Variants in OR5A2 observed in about 807,000 individuals in gnomAD.
The protein encoded by OR5A2 is olfactory receptor 5A2.
For missense variants in OR5A2, 406 were observed against 398.9 expected, an observed-to-expected ratio of 1.02 and a Z score of -0.15; for synonymous variants, 155 against 151.1, an observed-to-expected ratio of 1.03 and a Z score of -0.19.
Position 59,419,199 on chromosome 11 carries a change from C to T in OR5A2, c.*2780G>A, listed in dbSNP as rs1487234861. On this transcript the variant is annotated 3_prime_UTR_variant, in exon 2 of 2. Coordinates refer to ENST00000302040, the MANE Select transcript of OR5A2 (RefSeq NM_001001954.2). ...TCATAGAGATAGTAATATGGGTGCA[C>T]CTGTTGGCTGAGACTGATATGTCTC... 1 of 152,098 alleles carries T rather than the reference C, an allele frequency of 6.6e-6. No homozygotes were observed. The highest frequency in any genetic ancestry group is 1.5e-5 in the Non-Finnish European group (1 of 68,012). 9.4% of individuals were successfully genotyped at this position (152,098 alleles called of 1,614,324 possible). A position where few individuals can be genotyped will look rare whatever the true frequency, so the allele number is the denominator to read the frequency against.
chr11:59,423,121 T>G, intron 1 of OR5A2, 77 bp from the exon 2 acceptor site: 1 of 675,460 alleles, frequency 1.5e-6, no homozygotes, highest in Non-Finnish European at 2.6e-6. Context: ...AGGCAAAGAC[T>G]TTTCAGAGGA....
At position 59,418,730 on chromosome 11, in the gene OR5A2, GACTT is replaced by G. The variant is rs920041251; in HGVS notation, c.*3245_*3248del. On this transcript the variant is annotated 3_prime_UTR_variant, in exon 2 of 2. Coordinates refer to ENST00000302040, the MANE Select transcript of OR5A2 (RefSeq NM_001001954.2). ...TAATGCATATTAATTCTATTAATAAGACTTACATTCTTCTTGGTAGTTGGGCAAA... is the reference window on the plus strand; with the variant it reads ...TAATGCATATTAATTCTATTAATAAGACATTCTTCTTGGTAGTTGGGCAAA... 16 of 152,058 alleles carry G rather than the reference GACTT, an allele frequency of 1.1e-4. No individual in the cohort carries two copies. Among genetic ancestry groups the G allele is most frequent in the Admixed American group, 2.6e-4 (4 of 15,252 alleles). 9.4% of individuals were successfully genotyped at this position (152,058 alleles called of 1,614,324 possible).
In OR5A2 at chr11:59,426,394, G is replaced by T. The variant is rs1442651890; in HGVS notation, c.-315C>A. ...TTGTTAACAAGTCTTCCAAATAAATGGGCTGTGGGAGTTCATTATTTTAAT... is the reference window on the plus strand; with the variant it reads ...TTGTTAACAAGTCTTCCAAATAAATTGGCTGTGGGAGTTCATTATTTTAAT... On this transcript the variant is annotated 5_prime_UTR_variant, in exon 1 of 2. Transcript: ENST00000302040. The T allele has an allele frequency of 6.6e-6, 1 of 152,186 alleles. No individual in the cohort carries two copies. The highest frequency in any genetic ancestry group is 1.5e-5 in the Non-Finnish European group (1 of 68,038). The allele number at this position is 152,186 out of a possible 1,614,324, so 9.4% of individuals were successfully genotyped here. A position where few individuals can be genotyped will look rare whatever the true frequency, so the allele number is the denominator to read the frequency against.
Position 59,417,631 on chromosome 11 carries a change from C to T in OR5A2, c.*4348G>A, listed in dbSNP as rs1213781837. On this transcript the variant is annotated 3_prime_UTR_variant, in exon 2 of 2. Coordinates refer to ENST00000302040, the MANE Select transcript of OR5A2 (RefSeq NM_001001954.2). The stretch of plus-strand genomic sequence containing the variant: ...TTACATGCAAGATAGTCAGGTTGCC[C>T]CTGCTTGCTTTTATGTCAGGGAGAT... 3 of 151,942 alleles carry T rather than the reference C, an allele frequency of 2.0e-5. No individual in the cohort carries two copies. Among genetic ancestry groups the T allele is most frequent in the Non-Finnish European group, 4.4e-5 (3 of 67,964 alleles). The allele number at this position is 151,942 out of a possible 1,614,324, so 9.4% of individuals were successfully genotyped here. A position where few individuals can be genotyped will look rare whatever the true frequency, so the allele number is the denominator to read the frequency against.
Position 59,420,640 on chromosome 11 carries a change from T to C in OR5A2, c.*1339A>G, listed in dbSNP as rs1423483095. The C allele has an allele frequency of 1.3e-5, 2 of 152,170 alleles. No homozygotes were observed. Among genetic ancestry groups the C allele is most frequent in the African/African-American group, 4.8e-5 (2 of 41,442 alleles). 9.4% of individuals were successfully genotyped at this position (152,170 alleles called of 1,614,324 possible). A position where few individuals can be genotyped will look rare whatever the true frequency, so the allele number is the denominator to read the frequency against. ...ACACAGGCAGATATTATTTACTCACTTATTTATAGCCTACCCAAGAAAGGC... is the reference window on the plus strand; with the variant it reads ...ACACAGGCAGATATTATTTACTCACCTATTTATAGCCTACCCAAGAAAGGC... On this transcript the variant is annotated 3_prime_UTR_variant, in exon 2 of 2. Transcript: ENST00000302040.
Position 59,422,843 on chromosome 11 carries a change from G to C in OR5A2, c.111C>G (p.Leu37=), listed in dbSNP as rs1590606949. The C allele has an allele frequency of 6.2e-6, 10 of 1,614,142 alleles. 1 individual carries two copies. In the African/African-American group the frequency reaches 6.7e-5, roughly 11 times the overall value. The part of the protein sequence containing the change: ...FLFMLFLGLY[L]LTLAWNLSLI... The stretch of plus-strand genomic sequence containing the variant: ...GGCTTAAGTTCCAGGCCAACGTCAG[G>C]AGGTAGAGCCCCAGAAATAACATGA... The change falls in exon 2 of 2, where the codon CTC becomes CTG. Residue 37 remains leucine (L), a synonymous_variant. Coordinates refer to ENST00000302040, the MANE Select transcript of OR5A2 (RefSeq NM_001001954.2).
In OR5A2 at chr11:59,420,887, G is replaced by T. The variant is rs1215175436; in HGVS notation, c.*1092C>A. The T allele has an allele frequency of 6.6e-6, 1 of 152,142 alleles. No homozygotes were observed. The highest frequency in any genetic ancestry group is 1.5e-5 in the Non-Finnish European group (1 of 68,036). The allele number at this position is 152,142 out of a possible 1,614,324, so 9.4% of individuals were successfully genotyped here. A position where few individuals can be genotyped will look rare whatever the true frequency, so the allele number is the denominator to read the frequency against. On this transcript the variant is annotated 3_prime_UTR_variant, in exon 2 of 2. Transcript: ENST00000302040. ...AACTTTAATTGTCAGTTAGAAAGCT[G>T]TCACTTTGGGCTTAAGCAATAATTC...
At position 59,417,908 on chromosome 11, in the gene OR5A2, C is replaced by T. The variant is rs934006778; in HGVS notation, c.*4071G>A. 2.0e-5 allele frequency: 3 copies of T among 152,038 alleles called. No individual in the cohort carries two copies. Among genetic ancestry groups the T allele is most frequent in the Admixed American group, 6.6e-5 (1 of 15,246 alleles). 9.4% of individuals were successfully genotyped at this position (152,038 alleles called of 1,614,324 possible). A position where few individuals can be genotyped will look rare whatever the true frequency, so the allele number is the denominator to read the frequency against. On this transcript the variant is annotated 3_prime_UTR_variant, in exon 2 of 2. Transcript: ENST00000302040. ...TGAATGTTGATGGTGCATAGGACAA[C>T]AACAAGGTGTCTACAAAACTCTAAC...
At position 59,421,944 on chromosome 11, in the gene OR5A2, C is replaced by T; in HGVS notation, c.*35G>A. ...TAGTTTAAAATTATGTAAATGTCTG[C>T]ACAATTCACCTAGCTCACAGCTTCA... On this transcript the variant is annotated 3_prime_UTR_variant, in exon 2 of 2. Transcript: ENST00000302040. 2 of 1,543,418 alleles carry T rather than the reference C, an allele frequency of 1.3e-6. No homozygotes were observed. Among genetic ancestry groups the T allele is most frequent in the South Asian group, 1.3e-5 (1 of 79,694 alleles).
chr11:59,422,638 A>C lies in OR5A2; in HGVS notation c.316T>G (p.Cys106Gly), dbSNP rs1858242501. 2 of 1,614,210 alleles carry C rather than the reference A, an allele frequency of 1.2e-6. No homozygotes were observed. The highest frequency in any genetic ancestry group is 2.7e-5 in the African/African-American group (2 of 75,054). ...VGCATQYFVF[C>G]GMGLTECFLL... ...AAGCATTCAGTCAGCCCCATCCCAC[A>C]GAAGACAAAGTACTGAGTGGCACAG... The change falls in exon 2 of 2, where the codon TGT (cysteine) becomes GGT (glycine). Residue 106 changes from cysteine to glycine, a missense_variant. By Grantham distance (159) the Cys-to-Gly change is radical. Transcript: ENST00000302040.
Position 59,426,353 on chromosome 11 carries a change from T to G in OR5A2, c.-274A>C, listed in dbSNP as rs1858304496. The G allele has an allele frequency of 6.6e-6, 1 of 152,252 alleles. No homozygotes were observed. The highest frequency in any genetic ancestry group is 2.4e-5 in the African/African-American group (1 of 41,466). 9.4% of individuals were successfully genotyped at this position (152,252 alleles called of 1,614,324 possible). A position where few individuals can be genotyped will look rare whatever the true frequency, so the allele number is the denominator to read the frequency against. On this transcript the variant is annotated 5_prime_UTR_variant, in exon 1 of 2. Transcript: ENST00000302040. ...TCATGTAAATAGTAAACCATGCTTC[T>G]GGAATCTCCGCTCCTTTGTTAACAA...
At position 59,422,940 on chromosome 11, in the gene OR5A2, C is replaced by T. The variant is rs993610562; in HGVS notation, c.14G>A (p.Arg5Lys). ...GAATTTTGTCACAATTGTGTTGTTC[C>T]TTCCTACAGCCATAGGCCTGCTTCC... is the stretch of plus-strand genomic sequence containing the variant. The part of the protein sequence containing the change: MAVG[R>K]NNTIVTKFIL... Residue 5 changes from arginine (R) to lysine (K), a missense_variant, in exon 2 of 2, where the codon AGG (arginine) becomes AAG (lysine). Transcript: ENST00000302040. 1.5e-5 allele frequency: 24 copies of T among 1,612,734 alleles called. No individual in the cohort carries two copies. The highest frequency in any genetic ancestry group is 2.0e-5 in the Non-Finnish European group (23 of 1,179,218).
In OR5A2 at chr11:59,422,895, T is replaced by G; in HGVS notation, c.59A>C (p.Asp20Ala). Residue 20 changes from aspartate (D) to alanine (A), a missense_variant, in exon 2 of 2, where the codon GAC becomes GCC. Asp to Ala is a moderately radical substitution (Grantham distance 126, BLOSUM62 -2). Coordinates refer to ENST00000302040, the MANE Select transcript of OR5A2 (RefSeq NM_001001954.2). ...VTKFILLGLSDHPQMKIFLFM... is the reference protein window; with the variant it reads ...VTKFILLGLSAHPQMKIFLFM... The stretch of plus-strand genomic sequence containing the variant: ...AAGGAAAATCTTCATTTGAGGATGG[T>G]CTGAAAGTCCCAGGAGAATGAATTT... The G allele has an allele frequency of 6.2e-7, 1 of 1,614,172 alleles. No homozygotes were observed. The highest frequency in any genetic ancestry group is 8.5e-7 in the Non-Finnish European group (1 of 1,179,988).
Position 59,418,551 on chromosome 11 carries a change from G to A in OR5A2, c.*3428C>T, listed in dbSNP as rs1858184475. 6.6e-6 allele frequency: 1 copy of A among 152,018 alleles called. No homozygotes were observed. Among genetic ancestry groups the A allele is most frequent in the South Asian group, 2.1e-4 (1 of 4,822 alleles). 9.4% of individuals were successfully genotyped at this position (152,018 alleles called of 1,614,324 possible). A position where few individuals can be genotyped will look rare whatever the true frequency, so the allele number is the denominator to read the frequency against. On this transcript the variant is annotated 3_prime_UTR_variant, in exon 2 of 2. Transcript: ENST00000302040. ...TCCTTCAAATGGCTATAAAATGCCT[G>A]ATTCCTTAAGGGCCCAAAATATTCT...
rs747571943 is a variant in OR5A2 at position 59,418,639 on chromosome 11, T to A, written c.*3340A>T. The A allele has an allele frequency of 6.6e-6, 1 of 152,104 alleles. No individual in the cohort carries two copies. Among genetic ancestry groups the A allele is most frequent in the Admixed American group, 6.6e-5 (1 of 15,244 alleles). The allele number at this position is 152,104 out of a possible 1,614,324, so 9.4% of individuals were successfully genotyped here. ...ACACTTGTTTAGGAAATATTTAACA[T>A]GTGGCTTACTGTATACCCCCAAACA... On this transcript the variant is annotated 3_prime_UTR_variant, in exon 2 of 2. Coordinates refer to ENST00000302040, the MANE Select transcript of OR5A2 (RefSeq NM_001001954.2).
chr11:59,418,856 T>A lies in OR5A2; in HGVS notation c.*3123A>T, dbSNP rs1290652062. 6.6e-6 allele frequency: 1 copy of A among 152,142 alleles called. No homozygotes were observed. The highest frequency in any genetic ancestry group is 2.4e-5 in the African/African-American group (1 of 41,438). 9.4% of individuals were successfully genotyped at this position (152,142 alleles called of 1,614,324 possible). A position where few individuals can be genotyped will look rare whatever the true frequency, so the allele number is the denominator to read the frequency against. ...AACAAGAAAAATTTTTATGAAGACTTTTTATTCAGAATCTCTGTTCATCAA... is the reference window on the plus strand; with the variant it reads ...AACAAGAAAAATTTTTATGAAGACTATTTATTCAGAATCTCTGTTCATCAA... On this transcript the variant is annotated 3_prime_UTR_variant, in exon 2 of 2. Coordinates refer to ENST00000302040, the MANE Select transcript of OR5A2 (RefSeq NM_001001954.2).
At chr11:59,423,088 C>A in intron 1 of OR5A2, 44 bp from the exon 2 acceptor site, 1 of 895,832 alleles carries the variant, frequency 1.1e-6, no homozygotes, top group East Asian at 2.4e-5. Context: ...AAACTACACC[C>A]AGTTAAAGCC....
At position 59,419,488 on chromosome 11, in the gene OR5A2, T is replaced by C. The variant is rs1399232040; in HGVS notation, c.*2491A>G. On this transcript the variant is annotated 3_prime_UTR_variant, in exon 2 of 2. Transcript: ENST00000302040. ...GAAGAGATTTATTCTGAGCCAAATA[T>C]GAGTAACCATGGCCCGCAACACAGC... The C allele has an allele frequency of 6.6e-6, 1 of 152,132 alleles. No homozygotes were observed. Among genetic ancestry groups the C allele is most frequent in the Non-Finnish European group, 1.5e-5 (1 of 68,028 alleles). 9.4% of individuals were successfully genotyped at this position (152,132 alleles called of 1,614,324 possible).
In OR5A2 at chr11:59,422,410, G is replaced by A. The variant is rs1203781763; in HGVS notation, c.544C>T (p.Leu182Phe). ...PYMINHFFCD[L>F]PPVLALSCSD... ...CAGGACAGAGCCAGGACTGGAGGGA[G>A]GTCACAGAAAAAGTGGTTGATCATA... The change falls in exon 2 of 2, where the codon CTC (leucine) becomes TTC (phenylalanine). Residue 182 changes from leucine to phenylalanine, a missense_variant. Physicochemically the swap from Leu to Phe is conservative, Grantham distance 22. Coordinates refer to ENST00000302040, the MANE Select transcript of OR5A2 (RefSeq NM_001001954.2). 5 of 1,614,014 alleles carry A rather than the reference G, an allele frequency of 3.1e-6. No homozygotes were observed. In the African/African-American group the frequency reaches 4.0e-5, roughly 13 times the overall value.
Sources: allele counts gnomAD v4.1 joint callset, GRCh38; gene constraint gnomAD v4.1.1; transcripts MANE v1.5; gene names NCBI Gene and HGNC (gene_info 2026-07-23, HGNC 2026-07-21).